Variants in TGM3 observed in about 807,000 individuals in gnomAD.
TGM3 encodes transglutaminase 3.
A neutral mutation model predicts 73.8 loss-of-function variants in TGM3; 52 were observed. The observed-to-expected ratio is 0.70, with a 90% CI of 0.56 to 0.89. TGM3 has a LOEUF of 0.89. Ranked by LOEUF, TGM3 falls within the 40% of genes least tolerant of loss-of-function variation. The pLI is 0.00. For missense variants in TGM3, 928 were observed against 909.9 expected (o/e 1.02, Z -0.26); for synonymous variants, 372 against 354.9 (o/e 1.05, Z -0.54).
At chr20:2,339,542 G>A (rs543629631) in intron 11 of TGM3, among the ~76,000 whole-genome samples, 1 of 152,282 alleles carries the variant, frequency 6.6e-6, no homozygotes, top group South Asian at 2.1e-4. Context: ...GGCTGTCCTG[G>A]GAAGCAGGGT....
chr20:2,306,677 A>G (rs1390814546), intron 1 of TGM3, among the ~76,000 whole-genome samples: 1 of 152,014 alleles, frequency 6.6e-6, no homozygotes. Context: ...GGGTTTTGCC[A>G]TATTGTCCAG....
chr20:2,323,095 G>A (rs1401661866), intron 7 of TGM3, among the ~76,000 whole-genome samples: 2 of 151,956 alleles, frequency 1.3e-5, no homozygotes. Context: ...GGTTTTTGGG[G>A]AACAGGTGGT....
Position 2,327,751 on chromosome 20 carries a change from C to A in TGM3, c.1088-369C>A, listed in dbSNP as rs7274152. 5.7e-3 allele frequency among the ~76,000 whole-genome samples: 863 copies of A among 152,248 alleles called. 5 individuals carry two copies. The highest frequency in any genetic ancestry group is 0.019 in the African/African-American group (804 of 41,552). ...GCCTGTTCAGGGAAGTCTTCCTGGA[C>A]TAGGAAGGTGATGAGCTTCTAGGCC... On this transcript the variant is annotated intron_variant, in intron 8 of 12. Coordinates refer to ENST00000381458, the MANE Select transcript of TGM3 (RefSeq NM_003245.4).
chr20:2,302,870 C>A (rs933151533), intron 1 of TGM3, among the ~76,000 whole-genome samples: 6 of 152,186 alleles, frequency 3.9e-5, no homozygotes, highest in Non-Finnish European at 8.8e-5. Flanking sequence ...ATATAATAGA[C>A]TCTCATTCAG....
intron 7 of TGM3, among the ~76,000 whole-genome samples, chr20:2,317,970 T>C (rs214815): frequency 0.66 from 97,024 of 146,610 alleles, 36,377 homozygotes; most frequent in East Asian, 0.96. Context: ...ACACCTATTG[T>C]ATACCTTGGT....
At chr20:2,308,367 G>A (rs935586357) in intron 1 of TGM3, among the ~76,000 whole-genome samples, 1 of 152,212 alleles carries the variant, frequency 6.6e-6, no homozygotes, top group Non-Finnish European at 1.5e-5. Flanking sequence ...AGACCAGTTT[G>A]GTTTGCAGAA....
intron 9 of TGM3, among the ~76,000 whole-genome samples, chr20:2,331,369 A>T: frequency 6.6e-6 from 1 of 152,166 alleles, no homozygotes; most frequent in East Asian, 1.9e-4. Flanking sequence ...CAGAGTCAGA[A>T]AACCCATCTT....
Position 2,332,171 on chromosome 20 carries a change from G to T in TGM3, c.1503G>T (p.Leu501=), listed in dbSNP as rs1194917429. Residue 501 remains leucine, a synonymous_variant, in exon 10 of 13, where the codon CTG becomes CTT. Coordinates refer to ENST00000381458, the MANE Select transcript of TGM3 (RefSeq NM_003245.4). The surrounding 1 kb of genome is among the most constrained non-coding windows in gnomAD (Gnocchi z 4.4). Reference sequence around the variant, plus strand: ...TGGCAGTAGGCAAAGAAGTCAACCTGGTCCTACTGCTCAAAAACCTGAGCA... The same window carrying T: ...TGGCAGTAGGCAAAGAAGTCAACCTTGTCCTACTGCTCAAAAACCTGAGCA... ...GMLAVGKEVN[L]VLLLKNLSRD... 1 of 1,614,116 alleles carries T rather than the reference G, an allele frequency of 6.2e-7. No individual in the cohort carries two copies. Among genetic ancestry groups the T allele is most frequent in the Admixed American group, 1.7e-5 (1 of 59,996 alleles).
rs1555796201 is a variant in TGM3, at chr20:2,339,933, A to G, written c.1880A>G (p.Asp627Gly). Residue 627 changes from aspartate to glycine, a missense_variant, in exon 12 of 13, where the codon GAC becomes GGC. Asp to Gly is a moderately conservative substitution (Grantham distance 94). Transcript: ENST00000381458. ...AATCCACTGGATGAGCCGGTGAGGG[A>G]CTGCGTGCTGATGGTGGAGGGAAGC... Reference protein sequence around the residue: ...FSNPLDEPVRDCVLMVEGSGL... With the variant: ...FSNPLDEPVRGCVLMVEGSGL... 6.2e-7 allele frequency: 1 copy of G among 1,602,076 alleles called. No homozygotes were observed. The highest frequency in any genetic ancestry group is 2.3e-5 in the East Asian group (1 of 43,936).
In TGM3 at chr20:2,317,071, A is replaced by G; in HGVS notation, c.673A>G (p.Asn225Asp). The change falls in exon 6 of 13, where the codon AAT becomes GAT. Residue 225 changes from asparagine to aspartate, a missense_variant. Transcript: ENST00000381458. The stretch of plus-strand genomic sequence containing the variant: ...TGGGGGGGTGGTTTCTGCCCAGATC[A>G]ATAGCAATGATGACAATGGTGTGCT... ...YVGRVLSAMI[N>D]SNDDNGVLAG... 1 of 1,613,738 alleles carries G rather than the reference A, an allele frequency of 6.2e-7. No individual in the cohort carries two copies. Among genetic ancestry groups the G allele is most frequent in the Non-Finnish European group, 8.5e-7 (1 of 1,179,996 alleles).
intron 1 of TGM3, among the ~76,000 whole-genome samples, chr20:2,308,844 G>A (rs2084188067): frequency 6.6e-6 from 1 of 151,584 alleles, no homozygotes; most frequent in African/African-American, 2.4e-5. Flanking sequence ...CCAAACCACG[G>A]TGATGGGGGT....
chr20:2,320,540 G>A (rs1401853031), intron 7 of TGM3, among the ~76,000 whole-genome samples: 1 of 152,152 alleles, frequency 6.6e-6, no homozygotes, highest in Non-Finnish European at 1.5e-5. Flanking sequence ...GTAAAACAAA[G>A]GGCCAGATCA....
At chr20:2,305,138 A>G (rs1457896430) in intron 1 of TGM3, among the ~76,000 whole-genome samples, 1 of 152,108 alleles carries the variant, frequency 6.6e-6, no homozygotes, top group Non-Finnish European at 1.5e-5. Context: ...TGAAGACTTC[A>G]TTTATAGGCA....
intron 5 of TGM3, among the ~76,000 whole-genome samples, chr20:2,315,424 C>T (rs569130702): frequency 1.1e-4 from 17 of 152,244 alleles, no homozygotes; most frequent in Non-Finnish European, 2.1e-4. Flanking sequence ...TCTAAGGAGG[C>T]CCTGTCTTGC....
intron 7 of TGM3, among the ~76,000 whole-genome samples, chr20:2,318,708 G>A (rs1481638983): frequency 6.6e-6 from 1 of 152,196 alleles, no homozygotes; most frequent in Non-Finnish European, 1.5e-5. Context: ...TATGACAGAT[G>A]TAATCTTATT....
intron 9 of TGM3, among the ~76,000 whole-genome samples, chr20:2,330,745 C>T (rs1430412701): frequency 1.3e-5 from 2 of 152,064 alleles, no homozygotes; most frequent in Non-Finnish European, 2.9e-5. Context: ...GTGGCTCATG[C>T]CTGTAATCCC....
chr20:2,323,335 T>G (rs1205744524), intron 7 of TGM3, among the ~76,000 whole-genome samples: 1 of 152,266 alleles, frequency 6.6e-6, no homozygotes, highest in Non-Finnish European at 1.5e-5. Context: ...GATTTTCTTA[T>G]TTCATGATAT....
chr20:2,333,366 C>CT (rs902199100), intron 10 of TGM3, among the ~76,000 whole-genome samples: 13 of 151,920 alleles, frequency 8.6e-5, no homozygotes, highest in African/African-American at 2.9e-4. Flanking sequence ...AAAGAAAGGG[C>CT]TTTTTTTGTT....
rs2084326769 is a variant in TGM3, at chr20:2,332,450, T to C, written c.1642+140T>C. ...CGGCCCCTGTGGTTAAGCCATGTAT[T>C]AATGCTTTGGAAGTTTCTGTCTCTA... On this transcript the variant is annotated intron_variant, in intron 10 of 12. Coordinates refer to ENST00000381458, the MANE Select transcript of TGM3 (RefSeq NM_003245.4). The surrounding 1 kb of genome is among the most constrained non-coding windows in gnomAD (Gnocchi z 4.4). 1.4e-5 allele frequency: 12 copies of C among 867,120 alleles called. No individual in the cohort carries two copies. Among genetic ancestry groups the C allele is most frequent in the Non-Finnish European group, 2.1e-5 (12 of 582,726 alleles). 53.7% of individuals were successfully genotyped at this position (867,120 alleles called of 1,614,324 possible).
Sources: allele counts gnomAD v4.1 joint callset (sites outside exome capture counted in the v4.1 genomes callset), GRCh38; gene constraint gnomAD v4.1.1; non-coding constraint Gnocchi (gnomAD v3.1); transcripts MANE v1.5; gene names NCBI Gene and HGNC (gene_info 2026-07-23, HGNC 2026-07-21).